EMID1: variants seen among roughly 807,000 people sequenced by gnomAD.
EMID1 encodes the protein EMI domain-containing protein 1.
EMID1 carries 40 observed loss-of-function variants against 60.6 expected under a neutral mutation model. The observed-to-expected ratio is 0.66, with a 90% CI of 0.51 to 0.86. EMID1 has a LOEUF of 0.86. Ranked by LOEUF, EMID1 falls within the 40% of genes least tolerant of loss-of-function variation. EMID1 has a pLI of 0.00. For missense variants in EMID1, 585 were observed against 597.1 expected, an observed-to-expected ratio of 0.98 and a Z score of 0.21; for synonymous variants, 242 against 231.0, an observed-to-expected ratio of 1.05 and a Z score of -0.43.
At chr22:29,231,223 C>T (rs1034809182) in intron 6 of EMID1, 83 bp downstream of exon 6, 43 of 1,504,190 alleles carry the variant, frequency 2.9e-5, no homozygotes, top group Non-Finnish European at 3.2e-5. Flanking sequence ...CCCACCCTGT[C>T]GCTGACTCCC....
chr22:29,216,796 G>A (rs2040100870), intron 3 of EMID1, among the ~76,000 whole-genome samples: 1 of 152,248 alleles, frequency 6.6e-6, no homozygotes, highest in Non-Finnish European at 1.5e-5. Context: ...GAGGGGTCTG[G>A]CAGGTTCTGA....
rs12157519 is a variant in EMID1 at position 29,215,876 on chromosome 22, A to G, written c.319+246A>G. On this transcript the variant is annotated intron_variant, in intron 3 of 14. Coordinates refer to ENST00000334018, the MANE Select transcript of EMID1 (RefSeq NM_133455.4). ...ATTTTATATATGCTGCATAGCTCAC[A>G]TTTTAAGTCATGCTATCCTAAATCT... 4.5e-3 allele frequency among the ~76,000 whole-genome samples: 687 copies of G among 152,266 alleles called. 6 individuals carry two copies. The highest frequency in any genetic ancestry group is 0.016 in the African/African-American group (656 of 41,544).
intron 3 of EMID1, among the ~76,000 whole-genome samples, chr22:29,219,518 A>C (rs2040213364): frequency 1.3e-5 from 2 of 152,148 alleles, no homozygotes; most frequent in Non-Finnish European, 2.9e-5. Context: ...AGCAGCTCAC[A>C]CCTGTAATCC....
intron 13 of EMID1, among the ~76,000 whole-genome samples, chr22:29,250,473 G>C (rs1332488271): frequency 6.6e-6 from 1 of 152,200 alleles, no homozygotes; most frequent in African/African-American, 2.4e-5. Context: ...CACCTGTGGT[G>C]CCTTTTATTG....
chr22:29,207,006 C>T (rs1291886307), intron 1 of EMID1, among the ~76,000 whole-genome samples: 1 of 152,236 alleles, frequency 6.6e-6, no homozygotes, highest in Non-Finnish European at 1.5e-5. Context: ...AAAGGCCAGC[C>T]GCCGTTGTCC....
chr22:29,220,644 A>AC (rs1473207216), intron 3 of EMID1, among the ~76,000 whole-genome samples: 1 of 151,416 alleles, frequency 6.6e-6, no homozygotes, highest in East Asian at 2.0e-4. Context: ...TCCCAGGGAT[A>AC]CCCCCAGCTT....
chr22:29,258,796 T>C, intron 14 of EMID1, 21 bp from the exon 15 acceptor site: 2 of 1,612,578 alleles, frequency 1.2e-6, no homozygotes, highest in Non-Finnish European at 1.7e-6. Flanking sequence ...ATGTGGCCTC[T>C]CTCCTTCTTC....
At chr22:29,245,758 G>C (rs146890106) in intron 13 of EMID1, among the ~76,000 whole-genome samples, 2,189 of 152,262 alleles carry the variant, frequency 0.014, 56 homozygotes, top group African/African-American at 0.05. Context: ...TGGAGTGACT[G>C]TGCTGGGCCT....
intron 5 of EMID1, among the ~76,000 whole-genome samples, chr22:29,227,721 A>AC (rs2040570662): frequency 6.6e-6 from 1 of 151,256 alleles, no homozygotes; most frequent in Admixed American, 6.6e-5. Flanking sequence ...AAAAAAAAAA[A>AC]AAAAAACAAA....
chr22:29,224,777 T>G (rs1214075228), intron 3 of EMID1, among the ~76,000 whole-genome samples: 1 of 152,118 alleles, frequency 6.6e-6, no homozygotes, highest in Non-Finnish European at 1.5e-5. Flanking sequence ...GATGGGAAAA[T>G]AAGTCCAGAG....
In EMID1 at chr22:29,235,780, C is replaced by CTTTT. The variant is rs56085732; in HGVS notation, c.1074+1455_1074+1458dup. ...GAATTAAAGCTTTCTAGAATTTAAG[C>CTTTT]TTTTTTTTTTTTTTTTTTTTTTTTT... is the stretch of plus-strand genomic sequence containing the variant. On this transcript the variant is annotated intron_variant, in intron 12 of 14. Transcript: ENST00000334018. 6.9e-4 allele frequency among the ~76,000 whole-genome samples: 51 copies of CTTTT among 73,880 alleles called. 3 individuals are homozygous for CTTTT. Among genetic ancestry groups the CTTTT allele is most frequent in the African/African-American group, 1.8e-3 (34 of 18,522 alleles). The allele number at this position is 73,880 out of a possible 152,430, so 48.5% of individuals were successfully genotyped here.
At chr22:29,231,315 G>A (rs113699847) in intron 6 of EMID1, 175 bp downstream of exon 6, 18 of 998,996 alleles carry the variant, frequency 1.8e-5, no homozygotes, top group Middle Eastern at 3.2e-4. Flanking sequence ...TGGGACTCCT[G>A]AATGCTGCAG....
intron 8 of EMID1, chr22:29,232,728 C>A: frequency 3.6e-6 from 1 of 278,116 alleles, no homozygotes; most frequent in Non-Finnish European, 6.7e-6. Context: ...ATCCAGTTCT[C>A]GGAACACTGG....
Position 29,210,799 on chromosome 22 carries a change from C to T in EMID1, c.102-4127C>T, listed in dbSNP as rs548456238. 3.9e-5 allele frequency among the ~76,000 whole-genome samples: 6 copies of T among 152,326 alleles called. No individual in the cohort carries two copies. The South Asian group carries it at 1.2e-3, about 32-fold the overall frequency. ...ATTGTGGACCATCACAGGCCCACCT[C>T]TCCCGGCCTAGTCTGGGGGCTGGGC... is the stretch of plus-strand genomic sequence containing the variant. On this transcript the variant is annotated intron_variant, in intron 1 of 14. Transcript: ENST00000334018.
At chr22:29,211,542 C>T (rs1480337648) in intron 1 of EMID1, among the ~76,000 whole-genome samples, 1 of 151,678 alleles carries the variant, frequency 6.6e-6, no homozygotes, top group African/African-American at 2.4e-5. Flanking sequence ...TGTGCATATG[C>T]ATGAACATGT....
Position 29,215,571 on chromosome 22 carries a change from T to G in EMID1, c.260T>G (p.Ile87Arg). The change falls in exon 3 of 15, where the codon ATA (isoleucine) becomes AGA (arginine). Residue 87 changes from isoleucine (I) to arginine (R), a missense_variant. Transcript: ENST00000334018. ...VRPTYKVMYK[I>R]VTAREWRCCP... The stretch of plus-strand genomic sequence containing the variant: ...CCCACATACAAGGTGATGTACAAGA[T>G]AGTGACCGCCCGTGAGTGGAGGTGC... 1.2e-6 allele frequency: 2 copies of G among 1,614,092 alleles called. No individual in the cohort carries two copies. Among genetic ancestry groups the G allele is most frequent in the South Asian group, 2.2e-5 (2 of 91,086 alleles).
chr22:29,226,558 G>T lies in EMID1; in HGVS notation c.465+7G>T, dbSNP rs966894399. The T allele has an allele frequency of 4.3e-6, 7 of 1,610,804 alleles. No homozygotes were observed. The Admixed American group carries it at 5.0e-5, about 12-fold the overall frequency. ...GAAGGTGCTGGAGGCCAAGGTGGGT[G>T]AGCAGCTCCCTCCTGGGTGGTTGTT... On this transcript the variant is annotated splice_region_variant and intron_variant, in intron 5 of 14. Coordinates refer to ENST00000334018, the MANE Select transcript of EMID1 (RefSeq NM_133455.4).
chr22:29,217,208 G>A (rs991028787), intron 3 of EMID1, among the ~76,000 whole-genome samples: 10 of 152,250 alleles, frequency 6.6e-5, no homozygotes, highest in African/African-American at 2.4e-4. Context: ...CAAGGAGTTG[G>A]TGAGGGAGAG....
At chr22:29,223,642 G>C (rs139719116) in intron 3 of EMID1, among the ~76,000 whole-genome samples, 1 of 152,216 alleles carries the variant, frequency 6.6e-6, no homozygotes, top group African/African-American at 2.4e-5. Flanking sequence ...AACTGATGCC[G>C]AGTTGCCTCT....
Sources: allele counts gnomAD v4.1 joint callset (sites outside exome capture counted in the v4.1 genomes callset), GRCh38; gene constraint gnomAD v4.1.1; transcripts MANE v1.5; gene names NCBI Gene and HGNC (gene_info 2026-07-23, HGNC 2026-07-21).